Variants in CA12 observed in about 807,000 individuals in gnomAD.
CA12 encodes carbonic anhydrase 12, also known as carbonate dehydratase XII.
CA12 carries 36 observed loss-of-function variants against 46.8 expected under a neutral mutation model. The ratio of observed to expected loss-of-function variants is 0.77; its 90% CI spans 0.59 to 1.02. The LOEUF (loss-of-function observed/expected upper bound fraction) is 1.02, where lower values mean the gene tolerates loss of function less well. Among genes scored for constraint, CA12 ranks in the 50% least tolerant of loss-of-function variants. CA12 has a pLI of 0.00. For synonymous variants in CA12, 202 were observed against 187.0 expected (o/e 1.08, Z -0.65); for missense variants, 436 against 451.4 (o/e 0.97, Z 0.31).
At chr15:63,357,075 C>G (rs1346068884) in intron 2 of CA12, among the ~76,000 whole-genome samples, 1 of 152,136 alleles carries the variant, frequency 6.6e-6, no homozygotes, top group Non-Finnish European at 1.5e-5. Flanking sequence ...TTGAGAGGAG[C>G]TGGGATAGGT....
rs183802993 is a variant in CA12 at position 63,359,138 on chromosome 15, G to A, written c.107-12429C>T. Among the ~76,000 whole-genome samples the A allele has an allele frequency of 2.6e-5, 4 of 151,956 alleles. No individual in the cohort carries two copies. The South Asian group carries it at 8.3e-4, about 32-fold the overall frequency. ...CTCCCATGGCTTCAACACCAGCTCT[G>A]CCCCTGCCCAGTTTTCCTCTGAGCT... On this transcript the variant is annotated intron_variant, in intron 2 of 10. Transcript: ENST00000178638.
chr15:63,339,041 G>T lies in CA12; in HGVS notation c.748-96C>A. ...CTCTCCGCTCTTGCACCTGGGAGAA[G>T]CCTCTGGAACCAGCTTCTGTGGGGC... On this transcript the variant is annotated intron_variant, in intron 7 of 10. Coordinates refer to ENST00000178638, the MANE Select transcript of CA12 (RefSeq NM_001218.5). This position sits in a 1 kb window ranked among gnomAD's most constrained non-coding sequence, Gnocchi z 4.3. The T allele has an allele frequency of 2.0e-6, 3 of 1,510,612 alleles. No homozygotes were observed. The highest frequency in any genetic ancestry group is 9.1e-7 in the Non-Finnish European group (1 of 1,104,580). 93.6% of individuals were successfully genotyped at this position (1,510,612 alleles called of 1,614,324 possible).
chr15:63,326,341 T>C lies in CA12; in HGVS notation c.1009A>G (p.Asn337Asp), dbSNP rs1332446079. 2.5e-6 allele frequency: 4 copies of C among 1,613,812 alleles called. No individual in the cohort carries two copies. In the East Asian group the frequency reaches 8.9e-5, roughly 36 times the overall value. The change falls in exon 11 of 11, where the codon AAC becomes GAC. Residue 337 changes from asparagine (N) to aspartate (D), a missense_variant. Asn to Asp is a conservative substitution (Grantham distance 23). Transcript: ENST00000178638. ...GCTGGCTTGTAAATGACTCCCTTGT[T>C]ATCACCTTTTTTGATACTAGAACAG... ...FRRKSIKKGD[N>D]KGVIYKPATK...
At position 63,346,588 on chromosome 15, in the gene CA12, G is replaced by A. The variant is rs139241902; in HGVS notation, c.228C>T (p.Phe76=). 9.9e-4 allele frequency: 1,597 copies of A among 1,613,580 alleles called. 4 individuals carry two copies. The African/African-American group carries it at 0.017, about 17-fold the overall frequency. Residue 76 remains phenylalanine (F), a synonymous_variant, in exon 3 of 11, where the codon TTC becomes TTT. Coordinates refer to ENST00000178638, the MANE Select transcript of CA12 (RefSeq NM_001218.5). ...QYDASLTPLE[F]QGYNLSANKQ... is the part of the protein sequence containing the mutation. ...TGTTGGCAGACAGATTGTAGCCTTG[G>A]AACTCGAGGGGCGTGAGGCTGGCGT...
intron 2 of CA12, among the ~76,000 whole-genome samples, chr15:63,356,516 TA>T (rs74746355): frequency 1 from 151,997 of 151,998 alleles, 75,998 homozygotes; most frequent in Non-Finnish European, 1. Context: ...TACCATATAA[TA>T]CCAGCAATTC....
chr15:63,327,342 G>T lies in CA12; in HGVS notation c.908-109C>A. 1 of 849,584 alleles carries T rather than the reference G, an allele frequency of 1.2e-6. No individual in the cohort carries two copies. Among genetic ancestry groups the T allele is most frequent in the African/African-American group, 1.7e-5 (1 of 59,558 alleles). 52.6% of individuals were successfully genotyped at this position (849,584 alleles called of 1,614,324 possible). A position where few individuals can be genotyped will look rare whatever the true frequency, so the allele number is the denominator to read the frequency against. On this transcript the variant is annotated intron_variant, in intron 9 of 10. Coordinates refer to ENST00000178638, the MANE Select transcript of CA12 (RefSeq NM_001218.5). The surrounding 1 kb of genome is among the most constrained non-coding windows in gnomAD (Gnocchi z 4.5). ...CCAGCTGCATAATCATCCACAGAAA[G>T]GAATAATTTCCCCATCCCTGTTCTC... is the stretch of plus-strand genomic sequence containing the variant.
intron 2 of CA12, chr15:63,375,456 G>T (rs746044833): frequency 1.9e-6 from 1 of 530,354 alleles, no homozygotes; most frequent in Non-Finnish European, 3.5e-6. Flanking sequence ...GAGCAGGCTC[G>T]CCTGCTTGGA....
rs1327538128 is a variant in CA12, at chr15:63,372,054, C to G, written c.106+3604G>C. On this transcript the variant is annotated intron_variant, in intron 2 of 10. Coordinates refer to ENST00000178638, the MANE Select transcript of CA12 (RefSeq NM_001218.5). This position sits in a 1 kb window ranked among gnomAD's most constrained non-coding sequence, Gnocchi z 4.5. ...CAAAAACTGACTGCAGCACCCACAC[C>G]AAGGACCTGAACGTGCCCACAACCC... Among the ~76,000 whole-genome samples, 1 of 152,120 alleles carries G rather than the reference C, an allele frequency of 6.6e-6. No homozygotes were observed. Among genetic ancestry groups the G allele is most frequent in the East Asian group, 1.9e-4 (1 of 5,184 alleles).
intron 2 of CA12, among the ~76,000 whole-genome samples, chr15:63,356,585 G>T (rs1308978320): frequency 0.16 from 15 of 92 alleles, no homozygotes; most frequent in Admixed American, 0.44. Context: ...ATGCAGTAGC[G>T]TGATCTCGCT....
At chr15:63,367,557 G>A (rs1326182969) in intron 2 of CA12, among the ~76,000 whole-genome samples, 1 of 152,270 alleles carries the variant, frequency 6.6e-6, no homozygotes, top group Non-Finnish European at 1.5e-5. Flanking sequence ...TGTCCTAGAA[G>A]GAGGGGGCAG....
At chr15:63,356,885 G>A (rs1215438981) in intron 2 of CA12, among the ~76,000 whole-genome samples, 1 of 152,144 alleles carries the variant, frequency 6.6e-6, no homozygotes, top group African/African-American at 2.4e-5. Flanking sequence ...CTGTACACCT[G>A]TGTTCATAGC....
At chr15:63,375,511 C>G (rs1312309939) in intron 2 of CA12, 147 bp downstream of exon 2, 8 of 630,888 alleles carry the variant, frequency 1.3e-5, no homozygotes, top group Admixed American at 2.8e-5. Flanking sequence ...TTAGGAGATG[C>G]CTTTGTACTC....
Position 63,328,237 on chromosome 15 carries a change from G to T in CA12, c.875-107C>A. 3 of 976,898 alleles carry T rather than the reference G, an allele frequency of 3.1e-6. No individual in the cohort carries two copies. Among genetic ancestry groups the T allele is most frequent in the Non-Finnish European group, 4.9e-6 (3 of 614,492 alleles). 60.5% of individuals were successfully genotyped at this position (976,898 alleles called of 1,614,324 possible). On this transcript the variant is annotated intron_variant, in intron 8 of 10. Coordinates refer to ENST00000178638, the MANE Select transcript of CA12 (RefSeq NM_001218.5). This position sits in a 1 kb window ranked among gnomAD's most constrained non-coding sequence, Gnocchi z 5.9. ...CCATTTGTTTGGTCTTAGGCTGACA[G>T]ACCTCTAGGGATGTCCACCCTTGGC... is the stretch of plus-strand genomic sequence containing the variant.
In CA12 at chr15:63,327,234, C is replaced by T. The variant is rs148438059; in HGVS notation, c.908-1G>A. On this transcript the variant is annotated splice_acceptor_variant, in intron 9 of 10. Coordinates refer to ENST00000178638, the MANE Select transcript of CA12 (RefSeq NM_001218.5). LOFTEE classifies it high-confidence loss of function. This position sits in a 1 kb window ranked among gnomAD's most constrained non-coding sequence, Gnocchi z 4.5. ...GCCAGGGCCAGTGAGAGGATGATGC[C>T]TGGTGAAGAGGTAGAGGGCACACAT... is the stretch of plus-strand genomic sequence containing the variant. 7.8e-4 allele frequency: 1,263 copies of T among 1,613,098 alleles called. 2 individuals are homozygous for T. Among genetic ancestry groups the T allele is most frequent in the Non-Finnish European group, 1.0e-3 (1,197 of 1,179,410 alleles).
rs1490033358 is a variant in CA12 at position 63,348,878 on chromosome 15, C to T, written c.107-2169G>A. On this transcript the variant is annotated intron_variant, in intron 2 of 10. Transcript: ENST00000178638. This position sits in a 1 kb window ranked among gnomAD's most constrained non-coding sequence, Gnocchi z 4.6. ...CCAAAGAGTGAAAAAGAACAGAGGG[C>T]TTGGGAAAATGTGACTTGGGGAATG... Among the ~76,000 whole-genome samples the T allele has an allele frequency of 2.6e-5, 4 of 152,150 alleles. No individual in the cohort carries two copies. The highest frequency in any genetic ancestry group is 6.5e-5 in the Admixed American group (1 of 15,278).
Position 63,341,869 on chromosome 15 carries a change from C to A in CA12, c.525+133G>T. 1 of 711,610 alleles carries A rather than the reference C, an allele frequency of 1.4e-6. No individual in the cohort carries two copies. Among genetic ancestry groups the A allele is most frequent in the South Asian group, 1.5e-5 (1 of 66,586 alleles). The allele number at this position is 711,610 out of a possible 1,614,324, so 44.1% of individuals were successfully genotyped here. A position where few individuals can be genotyped will look rare whatever the true frequency, so the allele number is the denominator to read the frequency against. On this transcript the variant is annotated intron_variant, in intron 5 of 10. Coordinates refer to ENST00000178638, the MANE Select transcript of CA12 (RefSeq NM_001218.5). The surrounding 1 kb of genome is among the most constrained non-coding windows in gnomAD (Gnocchi z 5.2). ...AGAAGGTGCACTACAGGAGGATACC[C>A]CCTGCTCTGGAGTTGACACGGAGTC...
In CA12 at chr15:63,339,017, T is replaced by C; in HGVS notation, c.748-72A>G. ...CCTGATCCCCTGGGAAGAGGCTAGC[T>C]CTCCGCTCTTGCACCTGGGAGAAGC... On this transcript the variant is annotated intron_variant, in intron 7 of 10. Coordinates refer to ENST00000178638, the MANE Select transcript of CA12 (RefSeq NM_001218.5). This position sits in a 1 kb window ranked among gnomAD's most constrained non-coding sequence, Gnocchi z 4.3. 1 of 1,585,840 alleles carries C rather than the reference T, an allele frequency of 6.3e-7. No homozygotes were observed. Among genetic ancestry groups the C allele is most frequent in the South Asian group, 1.1e-5 (1 of 88,864 alleles).
At chr15:63,344,834 T>G (rs1192214038) in intron 4 of CA12, among the ~76,000 whole-genome samples, 1 of 152,178 alleles carries the variant, frequency 6.6e-6, no homozygotes, top group Non-Finnish European at 1.5e-5. Flanking sequence ...ACAAATGCTC[T>G]GCCCGTCTTC....
In CA12 at chr15:63,332,019, A is replaced by C. The variant is rs569868381; in HGVS notation, c.875-3889T>G. Reference sequence around the variant, plus strand: ...TTATTTTAAAGTACACACTGTTTACATAGATGGCATGTTACGTAGCGATAT... The same window carrying C: ...TTATTTTAAAGTACACACTGTTTACCTAGATGGCATGTTACGTAGCGATAT... On this transcript the variant is annotated intron_variant, in intron 8 of 10. Transcript: ENST00000178638. Among the ~76,000 whole-genome samples the C allele has an allele frequency of 1.2e-3, 186 of 152,340 alleles. 3 individuals carry two copies. In the South Asian group the frequency reaches 0.036, roughly 30 times the overall value.
Sources: gnomAD v4.1 joint callset for allele counts (sites outside exome capture counted in the v4.1 genomes callset) on GRCh38, gnomAD v4.1.1 for gene constraint, Gnocchi (gnomAD v3.1) non-coding constraint, MANE v1.5 for transcripts, NCBI Gene and HGNC (gene_info 2026-07-23, HGNC 2026-07-21) for gene names.